SNX29: variants seen among roughly 807,000 people sequenced by gnomAD.
SNX29 encodes sorting nexin 29, also known as sorting nexin-29.
Under a neutral mutation model 102.1 loss-of-function variants are expected in SNX29, and 78 were observed. The ratio of observed to expected loss-of-function variants is 0.76; its 90% CI spans 0.64 to 0.92. The LOEUF (loss-of-function observed/expected upper bound fraction) is 0.92. Ranked by LOEUF, SNX29 falls within the 40% of genes least tolerant of loss-of-function variation. The probability of loss-of-function intolerance (pLI) is 0.00; values close to 1 mark genes in which losing one functional copy is unlikely to be tolerated. For synonymous variants in SNX29, 580 were observed against 414.5 expected (o/e 1.40, Z -4.85); for missense variants, 1,280 against 1,061.7 (o/e 1.21, Z -2.86).
At chr16:12,563,667 C>T (rs76855781) in intron 20 of SNX29, among the ~76,000 whole-genome samples, 116 of 152,260 alleles carry the variant, frequency 7.6e-4, no homozygotes, top group African/African-American at 2.3e-3. Flanking sequence ...TTCAATTCCC[C>T]GAGAGCCCAT....
intron 15 of SNX29, among the ~76,000 whole-genome samples, chr16:12,302,686 T>C (rs1403406561): frequency 1.3e-5 from 2 of 152,240 alleles, no homozygotes; most frequent in Admixed American, 6.5e-5. Flanking sequence ...AGAATTTCAT[T>C]GCGCTTTTGA....
chr16:12,171,968 G>C (rs1291558709), intron 13 of SNX29, among the ~76,000 whole-genome samples: 1 of 152,156 alleles, frequency 6.6e-6, no homozygotes, highest in African/African-American at 2.4e-5. Context: ...ACGAGGATGC[G>C]GTGAGAATTC....
chr16:12,183,901 A>G (rs755007591), intron 13 of SNX29, among the ~76,000 whole-genome samples: 1 of 152,210 alleles, frequency 6.6e-6, no homozygotes, highest in Non-Finnish European at 1.5e-5. Context: ...GTGCCATGAC[A>G]GTTTACAAAT....
intron 17 of SNX29, among the ~76,000 whole-genome samples, chr16:12,400,576 C>T (rs933955089): frequency 6.6e-6 from 1 of 152,238 alleles, no homozygotes; most frequent in African/African-American, 2.4e-5. Flanking sequence ...CTGGCCGAAA[C>T]ATTGCTTCTT....
chr16:12,422,534 T>G (rs1317956857), intron 18 of SNX29, among the ~76,000 whole-genome samples: 2 of 152,212 alleles, frequency 1.3e-5, no homozygotes, highest in Non-Finnish European at 2.9e-5. Flanking sequence ...GCAAGTGAGA[T>G]GCTTGAACTT....
intron 11 of SNX29, among the ~76,000 whole-genome samples, chr16:12,116,233 C>CATACCTTG (rs2053696426): frequency 6.6e-6 from 1 of 152,170 alleles, no homozygotes; most frequent in Non-Finnish European, 1.5e-5. Context: ...AGTAGAGACT[C>CATACCTTG]AAACAGGTAA....
Position 12,570,971 on chromosome 16 carries a change from T to TG in SNX29, c.*2344dup, listed in dbSNP as rs974911801. On this transcript the variant is annotated 3_prime_UTR_variant, in exon 21 of 21. Coordinates refer to ENST00000566228, the MANE Select transcript of SNX29 (RefSeq NM_032167.5). The stretch of plus-strand genomic sequence containing the variant: ...GGGACCATCCCCAGCTGCCTGCTCC[T>TG]GGTACCTCCCCCATGATCATGCACA... 16 of 232,210 alleles carry TG rather than the reference T, an allele frequency of 6.9e-5. No individual in the cohort carries two copies. The highest frequency in any genetic ancestry group is 1.0e-4 in the Non-Finnish European group (12 of 117,448). The allele number at this position is 232,210 out of a possible 1,614,324, so 14.4% of individuals were successfully genotyped here.
chr16:12,275,106 G>A (rs2079204611), intron 14 of SNX29, among the ~76,000 whole-genome samples: 1 of 152,216 alleles, frequency 6.6e-6, no homozygotes, highest in South Asian at 2.1e-4. Context: ...GTGTTGGAAT[G>A]GGGTTAGAAA....
rs919071551 is a variant in SNX29 at position 12,569,412 on chromosome 16, C to T, written c.*783C>T. The T allele has an allele frequency of 2.6e-5, 6 of 230,722 alleles. No individual in the cohort carries two copies. The highest frequency in any genetic ancestry group is 6.1e-5 in the East Asian group (1 of 16,310). 14.3% of individuals were successfully genotyped at this position (230,722 alleles called of 1,614,324 possible). A position where few individuals can be genotyped will look rare whatever the true frequency, so the allele number is the denominator to read the frequency against. On this transcript the variant is annotated 3_prime_UTR_variant, in exon 21 of 21. Coordinates refer to ENST00000566228, the MANE Select transcript of SNX29 (RefSeq NM_032167.5). The stretch of plus-strand genomic sequence containing the variant: ...CAGCCATCAGCAGCAACCTAGTAAC[C>T]CGGCGTCATCCAGCGTGTCCAAAGT...
chr16:12,110,755 G>T (rs1332845571), intron 11 of SNX29, among the ~76,000 whole-genome samples: 1 of 152,166 alleles, frequency 6.6e-6, no homozygotes, highest in Non-Finnish European at 1.5e-5. Context: ...GTGGACCTGA[G>T]CCCTTTTAAG....
intron 16 of SNX29, among the ~76,000 whole-genome samples, chr16:12,385,622 AC>A (rs2151445904): frequency 6.6e-6 from 1 of 152,232 alleles, no homozygotes; most frequent in East Asian, 1.9e-4. Flanking sequence ...GTTACCTCCC[AC>A]CCTGTGTGCA....
chr16:12,476,367 AAAAAAAAAAAAAAAAAATAT>A (rs1371362019), intron 18 of SNX29, among the ~76,000 whole-genome samples: 1 of 23,544 alleles, frequency 4.2e-5, no homozygotes, highest in Admixed American at 8.1e-4. Context: ...AAAAAAAAAA[AAAAAAAAAAAAAAAAAATAT>A]ATATATATAT....
intron 13 of SNX29, among the ~76,000 whole-genome samples, chr16:12,152,734 T>C (rs888326668): frequency 7.2e-5 from 11 of 152,222 alleles, no homozygotes; most frequent in African/African-American, 2.7e-4. Flanking sequence ...ATGCCACTAA[T>C]TCATTATTGA....
At chr16:12,307,126 C>A (rs1230574609) in intron 15 of SNX29, among the ~76,000 whole-genome samples, 1 of 152,046 alleles carries the variant, frequency 6.6e-6, no homozygotes, top group Admixed American at 6.5e-5. Context: ...TTTATTTTAG[C>A]AATGGATTTC....
intron 18 of SNX29, among the ~76,000 whole-genome samples, chr16:12,467,240 C>G (rs571624290): frequency 6.6e-6 from 1 of 152,292 alleles, no homozygotes; most frequent in Admixed American, 6.5e-5. Context: ...GCCAGTAGTG[C>G]TAAAAATATT....
intron 4 of SNX29, among the ~76,000 whole-genome samples, chr16:12,040,364 A>C (rs1210086648): frequency 1.3e-5 from 2 of 152,204 alleles, no homozygotes; most frequent in East Asian, 3.8e-4. Flanking sequence ...CCCTGTCTCA[A>C]AAATAAATAA....
At chr16:12,091,682 G>A (rs1382429734) in intron 11 of SNX29, among the ~76,000 whole-genome samples, 1 of 147,572 alleles carries the variant, frequency 6.8e-6, no homozygotes, top group Non-Finnish European at 1.5e-5. Context: ...TTGGAAGTGA[G>A]CCCACTTTGA....
intron 15 of SNX29, among the ~76,000 whole-genome samples, chr16:12,346,557 C>T (rs76288658): frequency 0.059 from 9,039 of 152,118 alleles, 886 homozygotes; most frequent in African/African-American, 0.21. Context: ...CGCCGCACAC[C>T]CTCTCCCGTA....
intron 16 of SNX29, among the ~76,000 whole-genome samples, chr16:12,377,322 G>T (rs549867075): frequency 2.6e-5 from 4 of 152,272 alleles, no homozygotes; most frequent in African/African-American, 9.6e-5. Flanking sequence ...CGTGAAGTTG[G>T]CTGGGCCACT....
Sources: gnomAD v4.1 joint callset for allele counts (sites outside exome capture counted in the v4.1 genomes callset) on GRCh38, gnomAD v4.1.1 for gene constraint, MANE v1.5 for transcripts, NCBI Gene and HGNC (gene_info 2026-07-23, HGNC 2026-07-21) for gene names.